The following CARNMT1 variants were observed in gnomAD, a reference collection of about 807,000 sequenced individuals.
CARNMT1 encodes the protein protein-L-histidine N-pros-methyltransferase CARNMT1.
A neutral mutation model predicts 49.6 loss-of-function variants in CARNMT1; 28 were observed. The observed-to-expected ratio is 0.56, with a 90% confidence interval of 0.42 to 0.77. The LOEUF (loss-of-function observed/expected upper bound fraction) is 0.77. Among genes scored for constraint, CARNMT1 ranks in the 30% least tolerant of loss-of-function variants. CARNMT1 has a pLI of 0.00. For missense variants in CARNMT1, 421 were observed against 512.6 expected (o/e 0.82, Z 1.73); for synonymous variants, 178 against 175.0 (o/e 1.02, Z -0.13).
rs1264223706 is a variant in CARNMT1, at chr9:75,027,387, T to G, written c.230+625A>C. The G allele has an allele frequency of 3.1e-6, 3 of 982,006 alleles. No individual in the cohort carries two copies. The African/African-American group carries it at 5.3e-5, about 17-fold the overall frequency. The allele number at this position is 982,006 out of a possible 1,614,324, so 60.8% of individuals were successfully genotyped here. ...TGACTTCTCTCATCTCTCCTAATAA[T>G]TAGCAAATTTTAGAATATCCGGACC... On this transcript the variant is annotated intron_variant, in intron 1 of 7. Transcript: ENST00000376834.
intron 6 of CARNMT1, chr9:74,991,752 C>T (rs1334049976): frequency 3.9e-5 from 6 of 152,140 alleles, no homozygotes; most frequent in African/African-American, 1.2e-4. Flanking sequence ...TACAGCACCT[C>T]GTTTTCCAGA....
chr9:75,015,560 C>T (rs763083006), intron 3 of CARNMT1, among the ~76,000 whole-genome samples: 49 of 149,678 alleles, frequency 3.3e-4, no homozygotes, highest in Non-Finnish European at 6.5e-4. Flanking sequence ...AAGACACAGG[C>T]GGATCACTTG....
At chr9:75,021,714 T>C (rs146147399) in intron 1 of CARNMT1, among the ~76,000 whole-genome samples, 1 of 152,122 alleles carries the variant, frequency 6.6e-6, no homozygotes, top group Non-Finnish European at 1.5e-5. Context: ...GAAGCCTGTT[T>C]GAGGCCAGGT....
At position 74,996,491 on chromosome 9, in the gene CARNMT1, G is replaced by A. The variant is rs1192493653; in HGVS notation, c.980C>T (p.Thr327Ile). 1.2e-6 allele frequency: 2 copies of A among 1,607,684 alleles called. No individual in the cohort carries two copies. Among genetic ancestry groups the A allele is most frequent in the African/African-American group, 2.7e-5 (2 of 74,728 alleles). The part of the protein sequence containing the change: ...TAHNVIDYID[T>I]IWKILKPGGI... The stretch of plus-strand genomic sequence containing the variant: ...ACCTGGCTTGAGTATTTTCCATATT[G>A]TATCAATATAATCAATTACATTGTG... The change falls in exon 6 of 8, where the codon ACA becomes ATA. Residue 327 changes from threonine to isoleucine, a missense_variant. By Grantham distance (89) the Thr-to-Ile change is moderately conservative. Coordinates refer to ENST00000376834, the MANE Select transcript of CARNMT1 (RefSeq NM_152420.3).
chr9:74,996,949 T>C (rs1018553202), intron 5 of CARNMT1, among the ~76,000 whole-genome samples: 1 of 152,194 alleles, frequency 6.6e-6, no homozygotes, highest in African/African-American at 2.4e-5. Context: ...TTCTGGCAGG[T>C]TTCAGAAAGA....
chr9:75,009,810 A>T (rs998357385), intron 3 of CARNMT1: 3 of 152,184 alleles, frequency 2.0e-5, no homozygotes, highest in African/African-American at 7.2e-5. Flanking sequence ...AAAAAAAATT[A>T]AGAAACATGC....
intron 1 of CARNMT1, chr9:75,027,328 G>A: frequency 1.3e-6 from 1 of 796,578 alleles, no homozygotes; most frequent in Non-Finnish European, 1.5e-6. Context: ...ATACAGATTT[G>A]CAGAAAAAAA....
At chr9:74,993,932 C>T (rs985142828) in intron 6 of CARNMT1, among the ~76,000 whole-genome samples, 4 of 152,178 alleles carry the variant, frequency 2.6e-5, no homozygotes, top group Admixed American at 6.5e-5. Flanking sequence ...AAGAGAGGTC[C>T]TATTGACTGT....
chr9:75,020,530 T>A (rs1822316843), intron 1 of CARNMT1, among the ~76,000 whole-genome samples: 1 of 152,214 alleles, frequency 6.6e-6, no homozygotes, highest in Admixed American at 6.5e-5. Flanking sequence ...CCTTCCAAAG[T>A]GCTGGGATTA....
chr9:75,027,006 A>G (rs909475002), intron 1 of CARNMT1: 1 of 1,058,264 alleles, frequency 9.4e-7, no homozygotes, highest in African/African-American at 1.7e-5. Flanking sequence ...ATATAAAAAA[A>G]CTTTGCATAA....
rs113499792 is a variant in CARNMT1, at chr9:75,021,474, CTA to C, written c.231-4028_231-4027del. On this transcript the variant is annotated intron_variant, in intron 1 of 7. Transcript: ENST00000376834. ...AGTATATATAGGATAAATATATATA[CTA>C]TATATATATATCTACTGTTCAAAAA... 2.6e-3 allele frequency among the ~76,000 whole-genome samples: 368 copies of C among 144,058 alleles called. 4 individuals carry two copies. Among genetic ancestry groups the C allele is most frequent in the Admixed American group, 2.6e-3 (37 of 14,284 alleles). 94.5% of individuals were successfully genotyped at this position (144,058 alleles called of 152,430 possible). A position where few individuals can be genotyped will look rare whatever the true frequency, so the allele number is the denominator to read the frequency against.
Position 75,028,220 on chromosome 9 carries a change from G to A in CARNMT1, c.22C>T (p.Pro8Ser). The A allele has an allele frequency of 2.1e-6, 3 of 1,415,168 alleles. No homozygotes were observed. Among genetic ancestry groups the A allele is most frequent in the Non-Finnish European group, 2.8e-6 (3 of 1,087,506 alleles). The allele number at this position is 1,415,168 out of a possible 1,614,324, so 87.7% of individuals were successfully genotyped here. A position where few individuals can be genotyped will look rare whatever the true frequency, so the allele number is the denominator to read the frequency against. MQRRRRPPPPTSRLPEGC... is the reference protein window; with the variant it reads MQRRRRPSPPTSRLPEGC... Reference sequence around the variant, plus strand: ...TCGGGCAGCCGGGAGGTGGGCGGCGGAGGGCGACGCCGTCGCTGCATCGCC... The same window carrying A: ...TCGGGCAGCCGGGAGGTGGGCGGCGAAGGGCGACGCCGTCGCTGCATCGCC... Residue 8 changes from proline (P) to serine (S), a missense_variant, in exon 1 of 8, where the codon CCG (proline) becomes TCG (serine). This residue lies in a region of CARNMT1 where 186 missense variants were observed against 167.9 expected (regional missense o/e 1.11). Transcript: ENST00000376834.
chr9:74,986,117 C>T (rs1832828843), intron 6 of CARNMT1, among the ~76,000 whole-genome samples: 1 of 152,126 alleles, frequency 6.6e-6, no homozygotes, highest in African/African-American at 2.4e-5. Flanking sequence ...GTTATATATA[C>T]CTCAGGCTAA....
chr9:75,001,610 C>G (rs1163992717), intron 3 of CARNMT1, among the ~76,000 whole-genome samples: 1 of 152,108 alleles, frequency 6.6e-6, no homozygotes, highest in Non-Finnish European at 1.5e-5. Flanking sequence ...AACAAACCCT[C>G]TAGAACTGAA....
chr9:74,988,615 C>A (rs1239596541), intron 6 of CARNMT1, among the ~76,000 whole-genome samples: 1 of 152,166 alleles, frequency 6.6e-6, no homozygotes, highest in African/African-American at 2.4e-5. Context: ...TTGCCTCTGA[C>A]AGACTTCTAG....
Position 75,016,360 on chromosome 9 carries a change from C to A in CARNMT1, c.498G>T (p.Val166=), listed in dbSNP as rs753950646. The change falls in exon 3 of 8, where the codon GTG becomes GTT. Residue 166 remains valine, a synonymous_variant. Transcript: ENST00000376834. ...CTTTCCCAGTTTCACTCCAGTCTCTCACAAACTGTTTCAGCGTGGATTTTA... is the reference window on the plus strand; with the variant it reads ...CTTTCCCAGTTTCACTCCAGTCTCTAACAAACTGTTTCAGCGTGGATTTTA... ...DKLKSTLKQF[V]RDWSETGKAE... 3 of 1,613,950 alleles carry A rather than the reference C, an allele frequency of 1.9e-6. No homozygotes were observed. The South Asian group carries it at 3.3e-5, about 18-fold the overall frequency.
In CARNMT1 at chr9:74,998,616, C is replaced by T. The variant is rs138011300; in HGVS notation, c.892G>A (p.Glu298Lys). The T allele has an allele frequency of 3.2e-6, 5 of 1,584,694 alleles. No individual in the cohort carries two copies. In the African/African-American group the frequency reaches 6.8e-5, roughly 22 times the overall value. The change falls in exon 5 of 8, where the codon GAG becomes AAG. Residue 298 changes from glutamate to lysine, a missense_variant. Around this residue, in one of 2 missense-constraint regions of CARNMT1, gnomAD observed 235 missense variants for 344.8 expected, o/e 0.68. Transcript: ENST00000376834. ...GACTTACTGCATTCTGAATAAATCT[C>T]TTGAAAATCTCCTGCTGTCATAGAA... Reference protein sequence around the residue: ...NFSMTAGDFQEIYSECNTWDC... With the variant: ...NFSMTAGDFQKIYSECNTWDC...
chr9:74,993,901 T>C (rs186464327), intron 6 of CARNMT1, among the ~76,000 whole-genome samples: 29 of 152,260 alleles, frequency 1.9e-4, no homozygotes, highest in African/African-American at 5.5e-4. Flanking sequence ...TTAGACTGAC[T>C]AGAGACAAAC....
intron 1 of CARNMT1, among the ~76,000 whole-genome samples, chr9:75,024,156 G>T (rs934052415): frequency 6.6e-6 from 1 of 152,150 alleles, no homozygotes; most frequent in African/African-American, 2.4e-5. Context: ...GCACCTAGTT[G>T]AACTACTCTA....
Sources: gnomAD v4.1 joint callset for allele counts (sites outside exome capture counted in the v4.1 genomes callset) on GRCh38, gnomAD v4.1.1 for gene constraint, gnomAD v4.1.1 regional missense constraint, MANE v1.5 for transcripts, NCBI Gene and HGNC (gene_info 2026-07-23, HGNC 2026-07-21) for gene names.